The following CSMD3 variants were observed in gnomAD, a reference collection of about 807,000 sequenced individuals.
The protein encoded by CSMD3 is CUB and Sushi multiple domains 3.
CSMD3 carries 177 observed loss-of-function variants against 435.2 expected under a neutral mutation model. The observed-to-expected ratio is 0.41, with a 90% confidence interval of 0.36 to 0.46. The LOEUF (loss-of-function observed/expected upper bound fraction) is 0.46. CSMD3 is among the 20% of genes least tolerant of loss of function. The probability of loss-of-function intolerance (pLI) is 0.34; values close to 1 mark genes in which losing one functional copy is unlikely to be tolerated. For synonymous variants in CSMD3, 1,656 were observed against 1,520.5 expected (o/e 1.09, Z -2.07); for missense variants, 4,265 against 4,504.6 (o/e 0.95, Z 1.52).
intron 31 of CSMD3, among the ~76,000 whole-genome samples, chr8:112,476,336 A>G (rs1454062646): frequency 6.6e-6 from 1 of 152,106 alleles, no homozygotes; most frequent in Non-Finnish European, 1.5e-5. Context: ...GGGAGCCACC[A>G]CGCCCGGCCT....
chr8:112,925,660 G>A (rs535508791), intron 9 of CSMD3, among the ~76,000 whole-genome samples: 1 of 152,160 alleles, frequency 6.6e-6, no homozygotes, highest in Non-Finnish European at 1.5e-5. Flanking sequence ...GGAGCAGTAA[G>A]AGAGAGAAAT....
chr8:112,482,936 C>T (rs1819774569), intron 31 of CSMD3, among the ~76,000 whole-genome samples: 1 of 152,094 alleles, frequency 6.6e-6, no homozygotes, highest in Admixed American at 6.5e-5. Context: ...CCATATCTAT[C>T]TCTAGTCTAT....
At chr8:112,431,480 C>T (rs945193270) in intron 32 of CSMD3, among the ~76,000 whole-genome samples, 2 of 151,876 alleles carry the variant, frequency 1.3e-5, no homozygotes, top group Non-Finnish European at 2.9e-5. Context: ...CTAAAAGTTG[C>T]AGATTGCTAG....
At chr8:112,325,633 A>G (rs28552801) in intron 45 of CSMD3, among the ~76,000 whole-genome samples, 1 of 152,104 alleles carries the variant, frequency 6.6e-6, no homozygotes, top group Non-Finnish European at 1.5e-5. Context: ...AAATGAAAGA[A>G]TGGATGCCGA....
rs1208775573 is a variant in CSMD3 at position 112,987,792 on chromosome 8, G to T, written c.1031-11644C>A. 3.3e-5 allele frequency among the ~76,000 whole-genome samples: 5 copies of T among 152,042 alleles called. No homozygotes were observed. The East Asian group carries it at 9.7e-4, about 30-fold the overall frequency. On this transcript the variant is annotated intron_variant, in intron 6 of 70. Transcript: ENST00000297405. ...TCAACAGAGGCCTGATTGCCTCCAG[G>T]TCCTCCTGTAATTCCCTCGGCAGGA...
rs115745078 is a variant in CSMD3 at position 112,831,570 on chromosome 8, T to C, written c.1756-1781A>G. On this transcript the variant is annotated intron_variant, in intron 11 of 70. Transcript: ENST00000297405. ...AGATGTAAAAGTGTTTTTTTTTTTTTCGCATTTTCCTTAATACTAATTGAG... is the reference window on the plus strand; with the variant it reads ...AGATGTAAAAGTGTTTTTTTTTTTTCCGCATTTTCCTTAATACTAATTGAG... 6.2e-3 allele frequency among the ~76,000 whole-genome samples: 904 copies of C among 145,850 alleles called. 8 individuals carry two copies. Among genetic ancestry groups the C allele is most frequent in the African/African-American group, 0.021 (848 of 39,724 alleles).
chr8:113,140,714 G>C (rs577438025), intron 4 of CSMD3, among the ~76,000 whole-genome samples: 1 of 150,888 alleles, frequency 6.6e-6, no homozygotes, highest in African/African-American at 2.4e-5. Context: ...TAAACTAAAT[G>C]AAAATGTAAA....
rs577917677 is a variant in CSMD3, at chr8:112,749,351, C to T, written c.1972+50811G>A. The stretch of plus-strand genomic sequence containing the variant: ...CGCAGGCTCTTAAGTTTAATTAGAT[C>T]CCATTTGACAGGTTTTGCTTTTGTT... On this transcript the variant is annotated intron_variant, in intron 13 of 70. Transcript: ENST00000297405. Among the ~76,000 whole-genome samples the T allele has an allele frequency of 5.3e-5, 8 of 152,186 alleles. No homozygotes were observed. In the East Asian group the frequency reaches 1.5e-3, roughly 29 times the overall value.
At chr8:112,785,942 G>A (rs1346628343) in intron 13 of CSMD3, among the ~76,000 whole-genome samples, 3 of 151,934 alleles carry the variant, frequency 2.0e-5, no homozygotes, top group African/African-American at 7.2e-5. Flanking sequence ...AAATGTATAT[G>A]GAACCACAAA....
intron 10 of CSMD3, among the ~76,000 whole-genome samples, chr8:112,865,686 CCACACACACACACA>C (rs3220985): frequency 7.0e-5 from 3 of 43,120 alleles, no homozygotes; most frequent in Admixed American, 1.9e-4. Flanking sequence ...TTTACATACC[CCACACACACACACA>C]CACACACACA....
chr8:112,849,515 G>T (rs771007539), intron 11 of CSMD3, among the ~76,000 whole-genome samples: 1 of 151,818 alleles, frequency 6.6e-6, no homozygotes, highest in Admixed American at 6.6e-5. Context: ...CAAAGTAAAG[G>T]TAGCCAACAC....
chr8:112,931,513 A>G (rs1271088986), intron 9 of CSMD3, among the ~76,000 whole-genome samples: 1 of 151,656 alleles, frequency 6.6e-6, no homozygotes, highest in Non-Finnish European at 1.5e-5. Flanking sequence ...AAACTTAGGG[A>G]AAATGTTCTA....
chr8:112,949,921 C>A (rs1327542264), intron 8 of CSMD3, among the ~76,000 whole-genome samples: 1 of 151,902 alleles, frequency 6.6e-6, no homozygotes, highest in Admixed American at 6.6e-5. Flanking sequence ...CTTTAGCTAT[C>A]AAAATCCTAT....
At chr8:113,009,173 C>A (rs1050207619) in intron 6 of CSMD3, among the ~76,000 whole-genome samples, 9 of 151,544 alleles carry the variant, frequency 5.9e-5, no homozygotes, top group African/African-American at 2.2e-4. Flanking sequence ...GGAGGTTAAT[C>A]AGAAGGTGAG....
chr8:112,945,700 A>G (rs2083588580), intron 9 of CSMD3, among the ~76,000 whole-genome samples: 1 of 151,416 alleles, frequency 6.6e-6, no homozygotes, highest in Non-Finnish European at 1.5e-5. Flanking sequence ...TCTTCAGTCC[A>G]TATTAGGCTG....
intron 4 of CSMD3, among the ~76,000 whole-genome samples, chr8:113,099,481 C>T (rs892700152): frequency 6.6e-6 from 1 of 152,000 alleles, no homozygotes; most frequent in Non-Finnish European, 1.5e-5. Flanking sequence ...AGAAATACAA[C>T]TCAAATAAAA....
At chr8:112,514,018 G>C (rs1191212038) in intron 28 of CSMD3, among the ~76,000 whole-genome samples, 1 of 151,842 alleles carries the variant, frequency 6.6e-6, no homozygotes, top group African/African-American at 2.4e-5. Context: ...CTATTATTTA[G>C]ATATAAGATT....
chr8:113,073,488 T>A (rs775325170), intron 5 of CSMD3, among the ~76,000 whole-genome samples: 2 of 151,796 alleles, frequency 1.3e-5, no homozygotes, highest in Non-Finnish European at 3.0e-5. Flanking sequence ...CCCCTGCACA[T>A]GTAGGTGTAA....
At chr8:112,295,629 A>T (rs947151503) in intron 54 of CSMD3, among the ~76,000 whole-genome samples, 1 of 151,970 alleles carries the variant, frequency 6.6e-6, no homozygotes, top group Non-Finnish European at 1.5e-5. Flanking sequence ...TTAATTTATT[A>T]TCTTCATGAT....
Sources: gnomAD v4.1 joint callset for allele counts (sites outside exome capture counted in the v4.1 genomes callset) on GRCh38, gnomAD v4.1.1 for gene constraint, MANE v1.5 for transcripts, NCBI Gene and HGNC (gene_info 2026-07-23, HGNC 2026-07-21) for gene names.